Variants in SRGAP1 observed in about 807,000 individuals in gnomAD.
The protein encoded by SRGAP1 is SLIT-ROBO Rho GTPase activating protein 1.
SRGAP1 carries 43 observed loss-of-function variants against 121.9 expected under a neutral mutation model. That is an observed-to-expected ratio of 0.35 (90% confidence interval 0.28 to 0.46). The LOEUF is 0.46. Among genes scored for constraint, SRGAP1 ranks in the 20% least tolerant of loss-of-function variants. The pLI is 1.00. For synonymous variants in SRGAP1, 447 were observed against 485.4 expected (o/e 0.92, Z 1.04); for missense variants, 1,102 against 1,350.9 (o/e 0.82, Z 2.89).
At chr12:63,894,575 A>T (rs1337134962) in intron 1 of SRGAP1, among the ~76,000 whole-genome samples, 1 of 151,618 alleles carries the variant, frequency 6.6e-6, no homozygotes, top group African/African-American at 2.4e-5. Flanking sequence ...TGCACTCATT[A>T]ACTCTCCATT....
Position 64,155,792 on chromosome 12 carries a change from C to T in SRGAP1, c.*13120C>T, listed in dbSNP as rs886871864. The stretch of plus-strand genomic sequence containing the variant: ...GGACTACAAGTGCGCACAACCACAC[C>T]CAGCTAATTTTTTTGTATTTTTAGT... On this transcript the variant is annotated 3_prime_UTR_variant, in exon 22 of 22. Transcript: ENST00000355086. The T allele has an allele frequency of 2.0e-5, 3 of 152,018 alleles. No homozygotes were observed. Among genetic ancestry groups the T allele is most frequent in the Non-Finnish European group, 4.4e-5 (3 of 68,014 alleles). 9.4% of individuals were successfully genotyped at this position (152,018 alleles called of 1,614,324 possible).
chr12:64,119,957 G>A (rs1229673096), intron 18 of SRGAP1, among the ~76,000 whole-genome samples: 1 of 151,744 alleles, frequency 6.6e-6, no homozygotes, highest in East Asian at 1.9e-4. Context: ...TTTTAGAAGA[G>A]ACAGGGTTTC....
intron 4 of SRGAP1, among the ~76,000 whole-genome samples, chr12:64,031,330 A>AC (rs1298031088): frequency 6.6e-6 from 1 of 151,784 alleles, no homozygotes; most frequent in African/African-American, 2.4e-5. Context: ...AAAAAAAAAA[A>AC]AAAAAATAGC....
intron 1 of SRGAP1, among the ~76,000 whole-genome samples, chr12:63,912,303 G>A (rs890785741): frequency 1.3e-5 from 2 of 152,152 alleles, no homozygotes; most frequent in Admixed American, 6.6e-5. Context: ...TCAATGTCAC[G>A]GAGCATGTAA....
intron 4 of SRGAP1, among the ~76,000 whole-genome samples, chr12:64,038,097 A>G (rs759948079): frequency 1.3e-5 from 2 of 152,194 alleles, no homozygotes; most frequent in Non-Finnish European, 2.9e-5. Context: ...GACAAGTTAC[A>G]TAACCTCTCT....
At chr12:64,080,208 A>C in intron 9 of SRGAP1, 78 bp from the exon 10 acceptor site, 2 of 1,239,046 alleles carry the variant, frequency 1.6e-6, no homozygotes, top group Non-Finnish European at 2.2e-6. Flanking sequence ...GCGCCACTGC[A>C]CTCCAGCCTG....
At chr12:64,079,838 G>A (rs532240955) in intron 9 of SRGAP1, among the ~76,000 whole-genome samples, 1 of 152,280 alleles carries the variant, frequency 6.6e-6, no homozygotes, top group South Asian at 2.1e-4. Flanking sequence ...GTTGGCTGAT[G>A]CTGCTGGTCT....
intron 1 of SRGAP1, among the ~76,000 whole-genome samples, chr12:63,965,883 A>G (rs1014947352): frequency 6.6e-6 from 1 of 152,190 alleles, no homozygotes; most frequent in South Asian, 2.1e-4. Context: ...CAGTGGCACC[A>G]TCTCAGCTCA....
chr12:64,025,471 T>C (rs2034633675), intron 4 of SRGAP1, among the ~76,000 whole-genome samples: 1 of 152,150 alleles, frequency 6.6e-6, no homozygotes, highest in South Asian at 2.1e-4. Flanking sequence ...CTCAAGGGCA[T>C]TTTAAGAATT....
chr12:64,109,836 A>T (rs1257317178), intron 16 of SRGAP1, among the ~76,000 whole-genome samples: 1 of 152,138 alleles, frequency 6.6e-6, no homozygotes, highest in Admixed American at 6.5e-5. Flanking sequence ...TTCATGGGAC[A>T]TTTGGAGTTC....
intron 1 of SRGAP1, among the ~76,000 whole-genome samples, chr12:63,856,654 A>G (rs1899262249): frequency 6.6e-6 from 1 of 152,198 alleles, no homozygotes; most frequent in African/African-American, 2.4e-5. Flanking sequence ...CCGTTGGTTA[A>G]TTTATTCTTG....
intron 18 of SRGAP1, among the ~76,000 whole-genome samples, chr12:64,116,855 A>G (rs1035809886): frequency 5.3e-5 from 8 of 152,222 alleles, no homozygotes; most frequent in African/African-American, 1.9e-4. Context: ...GGGGCATGCC[A>G]TGCTATGGGA....
chr12:64,141,587 G>A, intron 21 of SRGAP1, among the ~76,000 whole-genome samples: 1 of 152,080 alleles, frequency 6.6e-6, no homozygotes, highest in African/African-American at 2.4e-5. Flanking sequence ...CTTGGGGGGG[G>A]AAAAAGTTGA....
intron 1 of SRGAP1, among the ~76,000 whole-genome samples, chr12:63,947,257 T>G (rs1480125599): frequency 6.6e-6 from 1 of 152,214 alleles, no homozygotes; most frequent in Non-Finnish European, 1.5e-5. Flanking sequence ...TCACCAGATG[T>G]CTATGAGAGT....
At chr12:64,132,333 A>C (rs530519981) in intron 21 of SRGAP1, among the ~76,000 whole-genome samples, 94 of 152,224 alleles carry the variant, frequency 6.2e-4, no homozygotes, top group Non-Finnish European at 1.1e-3. Flanking sequence ...CTGATGGGTC[A>C]TATGGCCCAA....
chr12:64,059,234 T>C (rs1437179271), intron 6 of SRGAP1, among the ~76,000 whole-genome samples: 1 of 152,200 alleles, frequency 6.6e-6, no homozygotes, highest in African/African-American at 2.4e-5. Flanking sequence ...GTAGTCTTCA[T>C]ATTTATTTCC....
intron 1 of SRGAP1, among the ~76,000 whole-genome samples, chr12:63,856,078 C>T (rs558484260): frequency 4.7e-4 from 71 of 151,734 alleles, no homozygotes; most frequent in African/African-American, 1.6e-3. Flanking sequence ...GCCAACATGG[C>T]GAAACGCCAT....
At position 63,950,417 on chromosome 12, in the gene SRGAP1, A is replaced by G. The variant is rs1459066448; in HGVS notation, c.68-33530A>G. 3.3e-5 allele frequency among the ~76,000 whole-genome samples: 5 copies of G among 152,120 alleles called. No individual in the cohort carries two copies. The East Asian group carries it at 9.6e-4, about 29-fold the overall frequency. ...CTCTTTAAGGAATTGTGCAAATACCACAAGCTTTTTGTGCTTTTTGTAACT... is the reference window on the plus strand; with the variant it reads ...CTCTTTAAGGAATTGTGCAAATACCGCAAGCTTTTTGTGCTTTTTGTAACT... On this transcript the variant is annotated intron_variant, in intron 1 of 21. Transcript: ENST00000355086.
chr12:64,139,016 T>A (rs973667388), intron 21 of SRGAP1, among the ~76,000 whole-genome samples: 6 of 152,328 alleles, frequency 3.9e-5, no homozygotes, highest in Admixed American at 1.3e-4. Flanking sequence ...TATGTTTATA[T>A]ATTAGAAAAA....
Sources: allele counts gnomAD v4.1 joint callset (sites outside exome capture counted in the v4.1 genomes callset), GRCh38; gene constraint gnomAD v4.1.1; transcripts MANE v1.5; gene names NCBI Gene and HGNC (gene_info 2026-07-23, HGNC 2026-07-21).